The following PUDP variants were observed in gnomAD, a reference collection of about 807,000 sequenced individuals.
The protein encoded by PUDP is pseudouridine-5'-phosphatase.
In PUDP, 8 loss-of-function variants were observed where a neutral mutation model predicts 9.4. That is an observed-to-expected ratio of 0.85 (90% confidence interval 0.50 to 1.53). PUDP has a LOEUF of 1.53. Among genes scored for constraint, PUDP ranks in the 40% most tolerant of loss-of-function variants. The probability of loss-of-function intolerance (pLI) is 0.00; values close to 1 mark genes in which losing one functional copy is unlikely to be tolerated. For missense variants in PUDP, 188 were observed against 189.7 expected (o/e 0.99, Z 0.05); for synonymous variants, 99 against 80.7 (o/e 1.23, Z -1.22).
chrX:6,909,501 G>A (rs1051131001), intron 3 of PUDP, among the ~76,000 whole-genome samples: 5 of 111,920 alleles, frequency 4.5e-5, no homozygotes, highest in Admixed American at 1.9e-4. Context: ...TGGCTTGCAG[G>A]TTGAAGCTGT....
Position 6,880,978 on chromosome X carries a change from G to A in PUDP, c.*247+96155C>T, listed in dbSNP as rs1011334751. On this transcript the variant is annotated intron_variant and NMD_transcript_variant, in intron 3 of 3. Coordinates refer to the PUDP transcript ENST00000655425. Reference sequence around the variant, plus strand: ...AGTTTGGCAGAGAAAAAGATAATAAGTAAACAAACCAGAATGTATTATTAG... The same window carrying A: ...AGTTTGGCAGAGAAAAAGATAATAAATAAACAAACCAGAATGTATTATTAG... 4.4e-5 allele frequency among the ~76,000 whole-genome samples: 5 copies of A among 112,499 alleles called. No individual in the cohort carries two copies. The Admixed American group carries it at 4.7e-4, about 11-fold the overall frequency.
At chrX:7,046,804 G>A (rs985768208), downstream of PUDP, among the ~76,000 whole-genome samples, 3 of 111,922 alleles carry the variant, frequency 2.7e-5, no homozygotes, top group Admixed American at 9.5e-5. Flanking sequence ...AGAGATTAGG[G>A]AATATTAAAA....
At chrX:6,731,822 AAGGC>A (rs1250751033) in intron 3 of PUDP, among the ~76,000 whole-genome samples, 10 of 109,425 alleles carry the variant, frequency 9.1e-5, no homozygotes, top group African/African-American at 2.7e-4. Flanking sequence ...GGAAGGAAGG[AAGGC>A]CATTAAAACC....
At chrX:6,949,378 CCTT>C (rs72220801) in intron 3 of PUDP, among the ~76,000 whole-genome samples, 23,119 of 110,849 alleles carry the variant, frequency 0.21, 1,954 homozygotes, top group Admixed American at 0.35. Flanking sequence ...TCTCCCTCCT[CCTT>C]ATCCTTTTCC....
intron 3 of PUDP, among the ~76,000 whole-genome samples, chrX:7,067,097 T>C (rs1231679816): frequency 8.9e-6 from 1 of 112,306 alleles, no homozygotes; most frequent in Admixed American, 9.4e-5. Context: ...GCAAGACATA[T>C]GAAGAGTAAT....
intron 3 of PUDP, among the ~76,000 whole-genome samples, chrX:6,966,235 TGTAA>T (rs1478899529): frequency 2.7e-5 from 3 of 110,625 alleles, no homozygotes; most frequent in Non-Finnish European, 5.7e-5. Flanking sequence ...TATGTTTGCA[TGTAA>T]GTGTTGTTCA....
At chrX:6,708,730 C>T (rs1352376400) in intron 1 of PUDP, among the ~76,000 whole-genome samples, 1 of 111,965 alleles carries the variant, frequency 8.9e-6, no homozygotes, top group African/African-American at 3.3e-5. Flanking sequence ...GGTCCCAAGA[C>T]AACCCTCTGA....
intron 3 of PUDP, among the ~76,000 whole-genome samples, chrX:6,759,344 T>C (rs919048392): frequency 8.9e-6 from 1 of 112,334 alleles, no homozygotes; most frequent in Non-Finnish European, 1.9e-5. Context: ...TTTTTGTGCT[T>C]CATCCATTAT....
chrX:6,753,061 G>A (rs1004990229), intron 3 of PUDP, among the ~76,000 whole-genome samples: 2 of 110,113 alleles, frequency 1.8e-5, no homozygotes, highest in Admixed American at 9.7e-5. Context: ...TGAGATTTCG[G>A]TGCCTCCATT....
intron 3 of PUDP, among the ~76,000 whole-genome samples, chrX:6,901,983 T>A (rs1927695658): frequency 9.1e-6 from 1 of 110,448 alleles, no homozygotes; most frequent in South Asian, 3.9e-4. Context: ...AAGCGATTCT[T>A]CCCCCTCAGC....
intron 1 of PUDP, among the ~76,000 whole-genome samples, chrX:7,037,698 C>T (rs1469109346): frequency 3.6e-5 from 4 of 112,149 alleles, no homozygotes; most frequent in African/African-American, 1.3e-4. Context: ...CTCTTGTTTG[C>T]TTTGGATTGG....
At chrX:6,986,334 T>C (rs1482918354) in intron 1 of PUDP, among the ~76,000 whole-genome samples, 1 of 111,738 alleles carries the variant, frequency 8.9e-6, no homozygotes, top group East Asian at 2.8e-4. Flanking sequence ...TCCGGACCCC[T>C]TTCCTGTAAC....
intron 1 of PUDP, among the ~76,000 whole-genome samples, chrX:7,028,548 G>C (rs1270105904): frequency 5.4e-5 from 6 of 111,154 alleles, no homozygotes; most frequent in Non-Finnish European, 7.5e-5. Context: ...AACTGGGTCA[G>C]GCTTGGAAGA....
chrX:6,734,539 G>A (rs1014127633), intron 3 of PUDP, among the ~76,000 whole-genome samples: 3 of 111,979 alleles, frequency 2.7e-5, no homozygotes, highest in African/African-American at 9.7e-5. Flanking sequence ...TTGGGAGGCC[G>A]AGGAGGAAGG....
rs1043530764 is a variant in PUDP, at chrX:7,076,515, T to A, written c.510+705A>T. 2.1e-4 allele frequency among the ~76,000 whole-genome samples: 23 copies of A among 111,857 alleles called. 1 individual carries two copies. Among genetic ancestry groups the A allele is most frequent in the Admixed American group, 1.9e-3 (20 of 10,573 alleles). ...GGCAGTCACAGAACGGTCAGAGGAA[T>A]CTGGAGCCAGGCCCAGCCACCACAA... On this transcript the variant is annotated intron_variant, in intron 3 of 3. Coordinates refer to ENST00000381077, the MANE Select transcript of PUDP (RefSeq NM_012080.5).
chrX:7,085,629 CTTTAAG>C (rs1289637411), intron 2 of PUDP, among the ~76,000 whole-genome samples: 1 of 112,548 alleles, frequency 8.9e-6, no homozygotes, highest in Non-Finnish European at 1.9e-5. Context: ...AGCAAACTTC[CTTTAAG>C]TTTAACATCT....
At chrX:6,783,127 C>T (rs537364946) in intron 3 of PUDP, among the ~76,000 whole-genome samples, 4 of 111,477 alleles carry the variant, frequency 3.6e-5, no homozygotes, top group African/African-American at 9.8e-5. Context: ...TAAACAGACC[C>T]GGAATTGGGA....
chrX:6,999,014 CT>C (rs1209087586), intron 1 of PUDP, among the ~76,000 whole-genome samples: 2 of 111,534 alleles, frequency 1.8e-5, no homozygotes, highest in East Asian at 5.6e-4. Flanking sequence ...TGTATTTGAA[CT>C]TTTTTTGATG....
At chrX:6,767,572 C>T (rs1328595154) in intron 3 of PUDP, among the ~76,000 whole-genome samples, 1 of 112,400 alleles carries the variant, frequency 8.9e-6, no homozygotes, top group African/African-American at 3.2e-5. Context: ...CCTTTGCCCA[C>T]GATGGGATAT....
Sources: gnomAD v4.1 joint callset for allele counts (sites outside exome capture counted in the v4.1 genomes callset) on GRCh38, gnomAD v4.1.1 for gene constraint, MANE v1.5 for transcripts, NCBI Gene and HGNC (gene_info 2026-07-23, HGNC 2026-07-21) for gene names.